The following ZNF385D variants were observed in gnomAD, a reference collection of about 807,000 sequenced individuals.
The protein encoded by ZNF385D is zinc finger protein 659.
ZNF385D carries 15 observed loss-of-function variants against 35.8 expected under a neutral mutation model. The observed-to-expected ratio is 0.42, with a 90% CI of 0.28 to 0.64. ZNF385D has a LOEUF of 0.64. ZNF385D is among the 30% of genes least tolerant of loss of function. The probability of loss-of-function intolerance (pLI) is 0.23; values close to 1 mark genes in which losing one functional copy is unlikely to be tolerated. For missense variants in ZNF385D, 474 were observed against 494.6 expected, an observed-to-expected ratio of 0.96 and a Z score of 0.39; for synonymous variants, 212 against 186.8, an observed-to-expected ratio of 1.13 and a Z score of -1.10.
intron 2 of ZNF385D, among the ~76,000 whole-genome samples, chr3:22,316,220 C>G (rs4285006): frequency 0.033 from 4,976 of 152,178 alleles, 262 homozygotes; most frequent in African/African-American, 0.11. Flanking sequence ...CTACTGCCTG[C>G]CAACCAAATT....
intron 3 of ZNF385D, among the ~76,000 whole-genome samples, chr3:21,870,396 T>C (rs1369766073): frequency 6.6e-6 from 1 of 152,186 alleles, no homozygotes; most frequent in East Asian, 1.9e-4. Context: ...TAAGATGTGA[T>C]TCCAGACATG....
chr3:21,448,652 G>GA (rs1275298460), intron 4 of ZNF385D, among the ~76,000 whole-genome samples: 10 of 152,062 alleles, frequency 6.6e-5, no homozygotes, highest in Non-Finnish European at 1.2e-4. Flanking sequence ...GAACTGTTTG[G>GA]AAAATAATAC....
chr3:21,648,758 T>C (rs1017007239), intron 2 of ZNF385D, among the ~76,000 whole-genome samples: 2 of 152,240 alleles, frequency 1.3e-5, no homozygotes, highest in African/African-American at 4.8e-5. Context: ...GCAATCATCA[T>C]TGCCACCCTC....
chr3:22,090,371 T>C (rs1701267264), intron 3 of ZNF385D, among the ~76,000 whole-genome samples: 2 of 152,134 alleles, frequency 1.3e-5, no homozygotes, highest in Middle Eastern at 3.2e-3. Flanking sequence ...TGTGGTATAT[T>C]GTGATAAAGT....
chr3:22,259,215 T>C (rs1014774633), intron 2 of ZNF385D, among the ~76,000 whole-genome samples: 3 of 151,956 alleles, frequency 2.0e-5, no homozygotes, highest in Admixed American at 2.0e-4. Context: ...TCATTATATA[T>C]ATAAAATCTC....
intron 3 of ZNF385D, among the ~76,000 whole-genome samples, chr3:21,890,695 A>G (rs1337745230): frequency 6.6e-6 from 1 of 152,200 alleles, no homozygotes; most frequent in Non-Finnish European, 1.5e-5. Flanking sequence ...ATGAGAAAAG[A>G]TGCTATTTTC....
intron 3 of ZNF385D, among the ~76,000 whole-genome samples, chr3:21,993,137 T>C (rs1695242553): frequency 6.6e-6 from 1 of 152,198 alleles, no homozygotes; most frequent in Non-Finnish European, 1.5e-5. Flanking sequence ...ACTGTGGTAC[T>C]TAGGGAAAAG....
chr3:22,185,883 G>A (rs370189025), intron 2 of ZNF385D, among the ~76,000 whole-genome samples: 12 of 152,166 alleles, frequency 7.9e-5, no homozygotes, highest in Non-Finnish European at 1.8e-4. Context: ...TGAGTGTATT[G>A]TACATTTAAC....
At chr3:22,339,063 G>T (rs1263260376) in intron 2 of ZNF385D, among the ~76,000 whole-genome samples, 1 of 151,932 alleles carries the variant, frequency 6.6e-6, no homozygotes, top group Non-Finnish European at 1.5e-5. Flanking sequence ...AGAGATGATA[G>T]GCACATTATA....
intron 3 of ZNF385D, among the ~76,000 whole-genome samples, chr3:22,012,366 T>C (rs1435782779): frequency 1.3e-5 from 2 of 152,158 alleles, no homozygotes; most frequent in South Asian, 2.1e-4. Context: ...ACATGCTAAC[T>C]ATATACCACA....
At chr3:21,983,053 T>G (rs549462732) in intron 3 of ZNF385D, among the ~76,000 whole-genome samples, 12 of 152,028 alleles carry the variant, frequency 7.9e-5, no homozygotes, top group Non-Finnish European at 1.5e-4. Flanking sequence ...GAAGTTTTCT[T>G]TTTTTGTTGT....
chr3:21,819,058 C>T (rs1042293737), intron 3 of ZNF385D, among the ~76,000 whole-genome samples: 1 of 151,644 alleles, frequency 6.6e-6, no homozygotes, highest in African/African-American at 2.4e-5. Context: ...ATTAACAGGG[C>T]CTTGTAATTT....
At chr3:22,111,185 T>TTG (rs1559377211) in intron 3 of ZNF385D, among the ~76,000 whole-genome samples, 1 of 122,134 alleles carries the variant, frequency 8.2e-6, no homozygotes, top group African/African-American at 3.3e-5. Flanking sequence ...TTGTTTTTTT[T>TTG]GTACTCTCAG....
intron 2 of ZNF385D, among the ~76,000 whole-genome samples, chr3:22,202,799 G>C (rs1696890355): frequency 6.6e-6 from 1 of 152,100 alleles, no homozygotes; most frequent in Non-Finnish European, 1.5e-5. Context: ...TGTGCTCCCA[G>C]CACTGAGCAG....
chr3:22,015,405 A>G (rs1023600678), intron 3 of ZNF385D, among the ~76,000 whole-genome samples: 7 of 152,122 alleles, frequency 4.6e-5, no homozygotes, highest in Non-Finnish European at 7.4e-5. Context: ...TTGAAAGAAA[A>G]TATCTACGCT....
chr3:21,925,495 A>ATGTTTAAATCAAACGCATGTG (rs1700681166), intron 3 of ZNF385D, among the ~76,000 whole-genome samples: 2 of 152,232 alleles, frequency 1.3e-5, no homozygotes, highest in South Asian at 4.1e-4. Flanking sequence ...ATTTAAATGC[A>ATGTTTAAATCAAACGCATGTG]TAATTCAAAA....
intron 3 of ZNF385D, among the ~76,000 whole-genome samples, chr3:22,024,482 T>C (rs1017732689): frequency 3.3e-5 from 5 of 152,014 alleles, no homozygotes; most frequent in Non-Finnish European, 7.4e-5. Flanking sequence ...ATGATTAGAC[T>C]CAAAAATGCT....
chr3:22,366,074 C>A (rs1455042757), intron 2 of ZNF385D, among the ~76,000 whole-genome samples: 2 of 151,796 alleles, frequency 1.3e-5, no homozygotes, highest in African/African-American at 4.8e-5. Context: ...TTATTCTTTA[C>A]CTTGTTTCAG....
chr3:21,885,484 A>G (rs1241206131), intron 3 of ZNF385D, among the ~76,000 whole-genome samples: 1 of 152,000 alleles, frequency 6.6e-6, no homozygotes, highest in African/African-American at 2.4e-5. Flanking sequence ...TTTTACTGGG[A>G]AAAGAGCAAA....
Sources: gnomAD v4.1 joint callset for allele counts (sites outside exome capture counted in the v4.1 genomes callset) on GRCh38, gnomAD v4.1.1 for gene constraint, MANE v1.5 for transcripts, NCBI Gene and HGNC (gene_info 2026-07-23, HGNC 2026-07-21) for gene names.